GHR: variants seen among roughly 807,000 people sequenced by gnomAD.
GHR encodes the protein growth hormone receptor, also known as GH receptor.
Under a neutral mutation model 67.1 loss-of-function variants are expected in GHR, and 35 were observed. That is an observed-to-expected ratio of 0.52 (90% CI 0.40 to 0.69). The LOEUF (loss-of-function observed/expected upper bound fraction) is 0.69, where lower values mean the gene tolerates loss of function less well. GHR is among the 30% of genes least tolerant of loss of function. GHR has a pLI of 0.00. For synonymous variants in GHR, 272 were observed against 269.1 expected (o/e 1.01, Z -0.10); for missense variants, 792 against 764.6 (o/e 1.04, Z -0.42).
chr5:42,646,783 C>T (rs138873870), intron 3 of GHR, among the ~76,000 whole-genome samples: 109 of 152,306 alleles, frequency 7.2e-4, no homozygotes, highest in African/African-American at 2.6e-3. Context: ...TCTGAGACCC[C>T]ATAGTCACCA....
intron 1 of GHR, chr5:42,425,043 C>G (rs146501244): frequency 2.0e-6 from 2 of 983,214 alleles, no homozygotes; most frequent in Non-Finnish European, 2.4e-6. Context: ...AGAAAGGTAA[C>G]GGAAGGCCAA....
chr5:42,532,124 A>G (rs1422636791), intron 1 of GHR, among the ~76,000 whole-genome samples: 2 of 152,082 alleles, frequency 1.3e-5, no homozygotes, highest in African/African-American at 4.8e-5. Context: ...GAATCTGTGA[A>G]GAAAATGCTC....
intron 2 of GHR, among the ~76,000 whole-genome samples, chr5:42,585,187 T>A (rs1389311259): frequency 6.6e-6 from 1 of 152,222 alleles, no homozygotes; most frequent in African/African-American, 2.4e-5. Flanking sequence ...TAGCTATTGG[T>A]AGGATCTGGT....
chr5:42,469,557 C>G (rs534675425), intron 1 of GHR, among the ~76,000 whole-genome samples: 9 of 152,304 alleles, frequency 5.9e-5, no homozygotes, highest in Non-Finnish European at 1.0e-4. Context: ...GTCTTAGTGC[C>G]TCACAAGACC....
intron 1 of GHR, among the ~76,000 whole-genome samples, chr5:42,552,470 G>A (rs1230537733): frequency 6.6e-6 from 1 of 152,100 alleles, no homozygotes; most frequent in Non-Finnish European, 1.5e-5. Context: ...TGGAGATAGG[G>A]CCTTCCAGCC....
At chr5:42,668,997 T>C (rs1218877083) in intron 3 of GHR, among the ~76,000 whole-genome samples, 1 of 152,170 alleles carries the variant, frequency 6.6e-6, no homozygotes, top group Non-Finnish European at 1.5e-5. Context: ...TAATATGTAG[T>C]GGTAGTAATT....
chr5:42,425,951 G>A (rs1374995043), intron 1 of GHR, among the ~76,000 whole-genome samples: 2 of 152,190 alleles, frequency 1.3e-5, no homozygotes, highest in Non-Finnish European at 2.9e-5. Flanking sequence ...GACGAGATGA[G>A]TGCATTCTTT....
intron 1 of GHR, among the ~76,000 whole-genome samples, chr5:42,471,712 T>C (rs1483354372): frequency 6.6e-6 from 1 of 152,222 alleles, no homozygotes; most frequent in East Asian, 1.9e-4. Flanking sequence ...CAACAAGTAC[T>C]ATACGTCTTT....
intron 2 of GHR, among the ~76,000 whole-genome samples, chr5:42,585,308 T>C (rs904522721): frequency 3.3e-5 from 5 of 152,244 alleles, no homozygotes; most frequent in African/African-American, 1.2e-4. Flanking sequence ...ATAAATAGCC[T>C]ATAGACAAAC....
intron 2 of GHR, among the ~76,000 whole-genome samples, chr5:42,622,212 G>A (rs1753482094): frequency 6.6e-6 from 1 of 152,150 alleles, no homozygotes; most frequent in South Asian, 2.1e-4. Context: ...ATTGATCCCT[G>A]AAGGGTATTT....
At chr5:42,663,579 T>A (rs1421449845) in intron 3 of GHR, among the ~76,000 whole-genome samples, 2 of 152,206 alleles carry the variant, frequency 1.3e-5, no homozygotes, top group African/African-American at 4.8e-5. Context: ...AAATTAGGTA[T>A]TGATGGGACA....
At chr5:42,479,563 G>C (rs1745513462) in intron 1 of GHR, among the ~76,000 whole-genome samples, 1 of 152,082 alleles carries the variant, frequency 6.6e-6, no homozygotes, top group South Asian at 2.1e-4. Context: ...CAATTTCAGA[G>C]CCTGTTATTG....
chr5:42,581,926 C>T (rs2112559790), intron 2 of GHR, among the ~76,000 whole-genome samples: 1 of 152,360 alleles, frequency 6.6e-6, no homozygotes, highest in East Asian at 1.9e-4. Flanking sequence ...ACTCCCTGGC[C>T]TCTCCCTGCA....
intron 1 of GHR, among the ~76,000 whole-genome samples, chr5:42,534,362 ATGTGTATATGTGTATATATG>A (rs1748147429): frequency 7.2e-6 from 1 of 139,214 alleles, no homozygotes; most frequent in African/African-American, 2.6e-5. Flanking sequence ...ATATATGTAC[ATGTGTATATGTGTATATATG>A]TATGTATATA....
chr5:42,564,918 A>G (rs1339921411), intron 1 of GHR, among the ~76,000 whole-genome samples: 2 of 152,266 alleles, frequency 1.3e-5, no homozygotes, highest in East Asian at 3.8e-4. Context: ...ATTAGTTGTC[A>G]GACACAGCAA....
intron 1 of GHR, among the ~76,000 whole-genome samples, chr5:42,563,472 G>T (rs1291152383): frequency 3.3e-5 from 5 of 151,834 alleles, no homozygotes; most frequent in Non-Finnish European, 7.4e-5. Flanking sequence ...AAAAAAATTA[G>T]CCGGGCGCGG....
rs753465502 is a variant in GHR, at chr5:42,630,395, G to C, written c.136+1292G>C. On this transcript the variant is annotated intron_variant, in intron 3 of 9. Coordinates refer to ENST00000230882, the MANE Select transcript of GHR (RefSeq NM_000163.5). Reference sequence around the variant, plus strand: ...AAGACAGTGTACCTAAATCAGTTAAGATATTGCTATTCTTGTTGTTATTCT... The same window carrying C: ...AAGACAGTGTACCTAAATCAGTTAACATATTGCTATTCTTGTTGTTATTCT... 1.4e-4 allele frequency among the ~76,000 whole-genome samples: 19 copies of C among 132,042 alleles called. 3 individuals are homozygous for C. The highest frequency in any genetic ancestry group is 2.7e-4 in the Non-Finnish European group (17 of 62,416). The allele number at this position is 132,042 out of a possible 152,430, so 86.6% of individuals were successfully genotyped here.
chr5:42,581,401 T>G (rs1751162672), intron 2 of GHR, among the ~76,000 whole-genome samples: 1 of 152,204 alleles, frequency 6.6e-6, no homozygotes, highest in Non-Finnish European at 1.5e-5. Context: ...CAGTCCACAC[T>G]GTAGAAATCT....
intron 1 of GHR, among the ~76,000 whole-genome samples, chr5:42,434,057 A>C (rs1743217049): frequency 1.3e-5 from 2 of 152,128 alleles, no homozygotes; most frequent in Admixed American, 1.3e-4. Context: ...ATTCAGTCTG[A>C]AAACTTCTTT....
Sources: gnomAD v4.1 joint callset for allele counts (sites outside exome capture counted in the v4.1 genomes callset) on GRCh38, gnomAD v4.1.1 for gene constraint, MANE v1.5 for transcripts, NCBI Gene and HGNC (gene_info 2026-07-23, HGNC 2026-07-21) for gene names.